Variants in BRINP1 observed in about 807,000 individuals in gnomAD.
BRINP1 encodes BMP/retinoic acid inducible neural specific 1.
BRINP1 carries 17 observed loss-of-function variants against 72.9 expected under a neutral mutation model. The observed-to-expected ratio is 0.23, with a 90% confidence interval of 0.16 to 0.35. The LOEUF is 0.35. Among genes scored for constraint, BRINP1 ranks in the 10% least tolerant of loss-of-function variants. BRINP1 has a pLI of 1.00. For synonymous variants in BRINP1, 418 were observed against 378.5 expected, an observed-to-expected ratio of 1.10 and a Z score of -1.21; for missense variants, 850 against 1,001.6, an observed-to-expected ratio of 0.85 and a Z score of 2.04.
intron 5 of BRINP1, among the ~76,000 whole-genome samples, chr9:119,234,419 A>G (rs927624027): frequency 1.3e-5 from 2 of 149,610 alleles, no homozygotes; most frequent in African/African-American, 5.1e-5. Context: ...TTGTTTGTGA[A>G]GTGCTTGTTC....
chr9:119,170,291 C>A (rs980292761), intron 7 of BRINP1, among the ~76,000 whole-genome samples: 13 of 151,782 alleles, frequency 8.6e-5, no homozygotes, highest in Non-Finnish European at 1.6e-4. Flanking sequence ...CTTAAAGGAG[C>A]TGATGGAGCT....
intron 2 of BRINP1, among the ~76,000 whole-genome samples, chr9:119,287,652 A>T (rs1830776521): frequency 6.6e-6 from 1 of 152,224 alleles, no homozygotes; most frequent in South Asian, 2.1e-4. Context: ...GTGCAAATGT[A>T]GCTACAACGC....
chr9:119,276,940 A>G (rs1307807282), intron 2 of BRINP1, among the ~76,000 whole-genome samples: 1 of 152,192 alleles, frequency 6.6e-6, no homozygotes. Context: ...AGAGTAAAGA[A>G]CAGCTCCATC....
chr9:119,180,360 A>G (rs758028898), intron 7 of BRINP1, among the ~76,000 whole-genome samples: 8 of 152,018 alleles, frequency 5.3e-5, no homozygotes, highest in Admixed American at 2.6e-4. Flanking sequence ...TAATTCTGTG[A>G]CTCCACAAAA....
chr9:119,199,338 A>G (rs1235305653), intron 7 of BRINP1, among the ~76,000 whole-genome samples: 2 of 152,198 alleles, frequency 1.3e-5, no homozygotes, highest in Admixed American at 6.5e-5. Context: ...TCATCAGAAT[A>G]GAGATAACGA....
At chr9:119,358,465 G>A (rs1355437642) in intron 1 of BRINP1, among the ~76,000 whole-genome samples, 4 of 151,832 alleles carry the variant, frequency 2.6e-5, no homozygotes, top group South Asian at 2.1e-4. Context: ...AGGCTGAGGT[G>A]GGCAGATCAC....
At chr9:119,314,531 G>A (rs1192581920) in intron 1 of BRINP1, among the ~76,000 whole-genome samples, 3 of 152,008 alleles carry the variant, frequency 2.0e-5, no homozygotes, top group Non-Finnish European at 2.9e-5. Flanking sequence ...ACACCCAGCT[G>A]ATTTTTGTAT....
Position 119,214,442 on chromosome 9 carries a change from C to CT in BRINP1, c.686-288dup, listed in dbSNP as rs1440251432. Among the ~76,000 whole-genome samples the CT allele has an allele frequency of 4.6e-5, 7 of 152,254 alleles. No homozygotes were observed. The East Asian group carries it at 1.4e-3, about 29-fold the overall frequency. ...GGCTAGAGCCACATATGGTATATACCTTTTCCATTTGTGGAGAAAACTCTT... is the reference window on the plus strand; with the variant it reads ...GGCTAGAGCCACATATGGTATATACCTTTTTCCATTTGTGGAGAAAACTCTT... On this transcript the variant is annotated intron_variant, in intron 5 of 7. Coordinates refer to ENST00000265922, the MANE Select transcript of BRINP1 (RefSeq NM_014618.3).
intron 2 of BRINP1, among the ~76,000 whole-genome samples, chr9:119,299,359 A>G (rs928921140): frequency 2.0e-5 from 3 of 152,134 alleles, no homozygotes; most frequent in Non-Finnish European, 4.4e-5. Context: ...CATGCCTGTA[A>G]TCCCAGCACT....
intron 2 of BRINP1, among the ~76,000 whole-genome samples, chr9:119,281,486 A>G (rs549127736): frequency 4.5e-4 from 69 of 152,256 alleles, no homozygotes; most frequent in East Asian, 1.7e-3. Flanking sequence ...CAGGGAGAAG[A>G]AGGGAGGAGC....
intron 1 of BRINP1, among the ~76,000 whole-genome samples, chr9:119,332,492 C>T (rs1234158046): frequency 6.6e-6 from 1 of 152,142 alleles, no homozygotes; most frequent in African/African-American, 2.4e-5. Flanking sequence ...AATCTATTCC[C>T]CTTTCCTTGA....
chr9:119,189,161 G>GA (rs967645363), intron 7 of BRINP1, among the ~76,000 whole-genome samples: 8 of 149,860 alleles, frequency 5.3e-5, no homozygotes, highest in African/African-American at 9.8e-5. Context: ...TAACTACAAA[G>GA]AAAAAAAATA....
intron 2 of BRINP1, among the ~76,000 whole-genome samples, chr9:119,310,243 T>A (rs962017685): frequency 5.3e-5 from 8 of 152,162 alleles, no homozygotes; most frequent in African/African-American, 1.9e-4. Flanking sequence ...CCGAGTTCCC[T>A]GACTCCGAGG....
At chr9:119,332,100 T>A (rs1831304952) in intron 1 of BRINP1, among the ~76,000 whole-genome samples, 1 of 152,136 alleles carries the variant, frequency 6.6e-6, no homozygotes, top group South Asian at 2.1e-4. Flanking sequence ...CTTCAAACTC[T>A]GAATAAAAAG....
chr9:119,205,433 A>G (rs971742512), intron 7 of BRINP1, among the ~76,000 whole-genome samples: 16 of 152,272 alleles, frequency 1.1e-4, no homozygotes, highest in Admixed American at 3.9e-4. Context: ...TGAAGGTCCC[A>G]TGATGGTAGA....
intron 7 of BRINP1, among the ~76,000 whole-genome samples, chr9:119,203,375 A>C (rs1347389421): frequency 6.6e-6 from 1 of 152,222 alleles, no homozygotes; most frequent in Non-Finnish European, 1.5e-5. Context: ...CATGAGTATT[A>C]GATAAAAAAT....
intron 1 of BRINP1, among the ~76,000 whole-genome samples, chr9:119,356,138 A>C (rs577613485): frequency 3.4e-4 from 52 of 150,974 alleles, no homozygotes; most frequent in African/African-American, 1.3e-3. Context: ...GTATACACTG[A>C]CAGTCCCATC....
chr9:119,232,054 C>T (rs973472673), intron 5 of BRINP1, among the ~76,000 whole-genome samples: 7 of 152,140 alleles, frequency 4.6e-5, no homozygotes, highest in African/African-American at 7.2e-5. Context: ...TAGGTTTGAA[C>T]GCATTTTCAC....
chr9:119,185,200 C>T (rs994144635), intron 7 of BRINP1, among the ~76,000 whole-genome samples: 21 of 152,160 alleles, frequency 1.4e-4, no homozygotes, highest in African/African-American at 5.1e-4. Context: ...AGTACCCACA[C>T]TATCTATACC....
Sources: gnomAD v4.1 joint callset for allele counts (sites outside exome capture counted in the v4.1 genomes callset) on GRCh38, gnomAD v4.1.1 for gene constraint, MANE v1.5 for transcripts, NCBI Gene and HGNC (gene_info 2026-07-23, HGNC 2026-07-21) for gene names.